FAM204A: variants seen among roughly 807,000 people sequenced by gnomAD.
FAM204A encodes the protein family with sequence similarity 204 member A, also known as protein FAM204A.
Under a neutral mutation model 35.4 loss-of-function variants are expected in FAM204A, and 16 were observed. The observed-to-expected ratio is 0.45, with a 90% CI of 0.31 to 0.69. The LOEUF (loss-of-function observed/expected upper bound fraction) is 0.69, where lower values mean the gene tolerates loss of function less well. FAM204A is among the 30% of genes least tolerant of loss of function. The pLI is 0.07. For synonymous variants in FAM204A, 76 were observed against 86.9 expected (o/e 0.88, Z 0.70); for missense variants, 240 against 265.7 (o/e 0.90, Z 0.67).
In FAM204A at chr10:118,325,934, T is replaced by C. The variant is rs116508579; in HGVS notation, c.543+220A>G. On this transcript the variant is annotated intron_variant, in intron 7 of 8. Transcript: ENST00000369183. Reference sequence around the variant, plus strand: ...AAGGTTCAGTATCAATCATGGATTATTTCTAGCAAGTTTTAGACCAGAATG... The same window carrying C: ...AAGGTTCAGTATCAATCATGGATTACTTCTAGCAAGTTTTAGACCAGAATG... Among the ~76,000 whole-genome samples the C allele has an allele frequency of 1.6e-3, 250 of 152,280 alleles. 1 individual carries two copies. The highest frequency in any genetic ancestry group is 5.8e-3 in the African/African-American group (240 of 41,546).
In FAM204A at chr10:118,341,823, A is replaced by G. The variant is rs1377531331; in HGVS notation, c.-105T>C. On this transcript the variant is annotated 5_prime_UTR_variant, in exon 2 of 9. Transcript: ENST00000369183. ...CTGCAGGCTTTCTGGCGGCAATGCC[A>G]CACTCCAATCCCAAAAGAGAGAGAA... The G allele has an allele frequency of 1.3e-5, 2 of 152,330 alleles. No homozygotes were observed. The highest frequency in any genetic ancestry group is 2.9e-5 in the Non-Finnish European group (2 of 68,176). 9.4% of individuals were successfully genotyped at this position (152,330 alleles called of 1,614,324 possible). A position where few individuals can be genotyped will look rare whatever the true frequency, so the allele number is the denominator to read the frequency against.
chr10:118,336,335 G>A lies in FAM204A; in HGVS notation c.81C>T (p.Asn27=), dbSNP rs775488376. Residue 27 remains asparagine, a synonymous_variant, in exon 3 of 9, where the codon AAC becomes AAT. Coordinates refer to ENST00000369183, the MANE Select transcript of FAM204A (RefSeq NM_022063.3). The part of the protein sequence containing the change: ...SNSEDEATLE[N]SGLNLQEDKE... ...TATCTTCCTGTAAGTTAAGTCCAGAGTTCTCCAACGTAGCTTCATCTTCCG... is the reference window on the plus strand; with the variant it reads ...TATCTTCCTGTAAGTTAAGTCCAGAATTCTCCAACGTAGCTTCATCTTCCG... 76 of 1,613,810 alleles carry A rather than the reference G, an allele frequency of 4.7e-5. No individual in the cohort carries two copies. Among genetic ancestry groups the A allele is most frequent in the Non-Finnish European group, 6.4e-5 (75 of 1,179,856 alleles).
Position 118,311,330 on chromosome 10 carries a change from A to AT in FAM204A, c.544-18_544-17insA. 1 of 1,360,140 alleles carries AT rather than the reference A, an allele frequency of 7.4e-7. No individual in the cohort carries two copies. The highest frequency in any genetic ancestry group is 9.9e-7 in the Non-Finnish European group (1 of 1,014,496). The allele number at this position is 1,360,140 out of a possible 1,614,324, so 84.3% of individuals were successfully genotyped here. A position where few individuals can be genotyped will look rare whatever the true frequency, so the allele number is the denominator to read the frequency against. On this transcript the variant is annotated splice_polypyrimidine_tract_variant and intron_variant, in intron 7 of 8. Transcript: ENST00000369183. ...TACACCAAGCTAAGAATTACAAAGG[A>AT]GAAAAAAAAAGTGAAAATAAATATT... is the stretch of plus-strand genomic sequence containing the variant.
chr10:118,305,338 G>A lies in FAM204A; in HGVS notation c.*5519C>T, dbSNP rs1359839287. 2 of 152,200 alleles carry A rather than the reference G, an allele frequency of 1.3e-5. No individual in the cohort carries two copies. The highest frequency in any genetic ancestry group is 1.3e-4 in the Admixed American group (2 of 15,282). The allele number at this position is 152,200 out of a possible 1,614,324, so 9.4% of individuals were successfully genotyped here. On this transcript the variant is annotated 3_prime_UTR_variant, in exon 9 of 9. Transcript: ENST00000369183. ...CCACCCAAGCTAAAATAAAGGACAC[G>A]TTAATGCAGTCTAAGAAAACTTTAA... is the stretch of plus-strand genomic sequence containing the variant.
intron 7 of FAM204A, 28 bp from the exon 8 acceptor site, chr10:118,311,341 G>A (rs750654008): frequency 1.8e-6 from 2 of 1,109,762 alleles, no homozygotes; most frequent in Admixed American, 2.3e-5. Context: ...GAAAAAAAAA[G>A]TGAAAATAAA....
intron 7 of FAM204A, 128 bp downstream of exon 7, chr10:118,326,026 A>G (rs1846192473): frequency 1.5e-6 from 1 of 667,448 alleles, no homozygotes; most frequent in Admixed American, 3.1e-5. Flanking sequence ...AAAAGAGAAG[A>G]AAATGGACAA....
In FAM204A at chr10:118,305,937, T is replaced by C. The variant is rs1845859958; in HGVS notation, c.*4920A>G. On this transcript the variant is annotated 3_prime_UTR_variant, in exon 9 of 9. Transcript: ENST00000369183. ...TGTGGGCAGTCATAATTGTATGCTA[T>C]CCATCAAACAATAAAACCTTTATAG... 6.6e-6 allele frequency: 1 copy of C among 152,232 alleles called. No homozygotes were observed. Among genetic ancestry groups the C allele is most frequent in the Non-Finnish European group, 1.5e-5 (1 of 68,040 alleles). The allele number at this position is 152,232 out of a possible 1,614,324, so 9.4% of individuals were successfully genotyped here. A position where few individuals can be genotyped will look rare whatever the true frequency, so the allele number is the denominator to read the frequency against.
rs567384497 is a variant in FAM204A at position 118,301,044 on chromosome 10, C to T, written c.*9813G>A. 6.6e-6 allele frequency: 1 copy of T among 152,322 alleles called. No homozygotes were observed. The highest frequency in any genetic ancestry group is 1.9e-4 in the East Asian group (1 of 5,184). 9.4% of individuals were successfully genotyped at this position (152,322 alleles called of 1,614,324 possible). On this transcript the variant is annotated 3_prime_UTR_variant, in exon 9 of 9. Coordinates refer to ENST00000369183, the MANE Select transcript of FAM204A (RefSeq NM_022063.3). ...CTGGTGAGCATCCACAGCCTACATTCAAACCCAAGTTTCATTCCAAAGCTT... is the reference window on the plus strand; with the variant it reads ...CTGGTGAGCATCCACAGCCTACATTTAAACCCAAGTTTCATTCCAAAGCTT...
intron 6 of FAM204A, among the ~76,000 whole-genome samples, chr10:118,326,625 T>C (rs989644608): frequency 1.3e-5 from 2 of 152,200 alleles, no homozygotes; most frequent in Non-Finnish European, 2.9e-5. Context: ...AACAACTCCA[T>C]GAATAATAAT....
At chr10:118,319,841 C>T (rs1846085015) in intron 7 of FAM204A, among the ~76,000 whole-genome samples, 1 of 151,902 alleles carries the variant, frequency 6.6e-6, no homozygotes, top group African/African-American at 2.4e-5. Context: ...TATAATGTTA[C>T]AACATGAAGT....
intron 6 of FAM204A, among the ~76,000 whole-genome samples, chr10:118,329,861 C>T (rs1846263138): frequency 6.6e-6 from 1 of 152,126 alleles, no homozygotes; most frequent in African/African-American, 2.4e-5. Context: ...AAACTGGGAA[C>T]ATTTATTACA....
chr10:118,312,525 T>C (rs1221231489), intron 7 of FAM204A, among the ~76,000 whole-genome samples: 1 of 152,156 alleles, frequency 6.6e-6, no homozygotes, highest in East Asian at 1.9e-4. Flanking sequence ...AATCGACAAG[T>C]AGTAATCAAG....
Position 118,307,193 on chromosome 10 carries a change from C to G in FAM204A, c.*3664G>C, listed in dbSNP as rs1242277567. On this transcript the variant is annotated 3_prime_UTR_variant, in exon 9 of 9. Coordinates refer to ENST00000369183, the MANE Select transcript of FAM204A (RefSeq NM_022063.3). ...TGGGTTTACACAGCCTTCAACTTTT[C>G]AAAGTATTTTTCGACCCGTCACCAT... 1 of 152,170 alleles carries G rather than the reference C, an allele frequency of 6.6e-6. No homozygotes were observed. Among genetic ancestry groups the G allele is most frequent in the African/African-American group, 2.4e-5 (1 of 41,428 alleles). The allele number at this position is 152,170 out of a possible 1,614,324, so 9.4% of individuals were successfully genotyped here.
chr10:118,321,765 G>A (rs1360631152), intron 7 of FAM204A, among the ~76,000 whole-genome samples: 1 of 137,472 alleles, frequency 7.3e-6, no homozygotes, highest in Non-Finnish European at 1.6e-5. Context: ...ATCCTCAAAG[G>A]AAACTCACAT....
chr10:118,315,718 A>G (rs1209696867), intron 7 of FAM204A, among the ~76,000 whole-genome samples: 1 of 152,152 alleles, frequency 6.6e-6, no homozygotes, highest in African/African-American at 2.4e-5. Flanking sequence ...GACGAAAGAG[A>G]TCAAAGAGAC....
At chr10:118,324,005 G>T (rs992868217) in intron 7 of FAM204A, among the ~76,000 whole-genome samples, 12 of 152,186 alleles carry the variant, frequency 7.9e-5, no homozygotes, top group South Asian at 2.1e-4. Context: ...TCATATAGAA[G>T]AAGCCACTGT....
At chr10:118,329,076 C>G (rs766319203) in intron 6 of FAM204A, among the ~76,000 whole-genome samples, 3 of 152,198 alleles carry the variant, frequency 2.0e-5, no homozygotes, top group Non-Finnish European at 4.4e-5. Context: ...ATGTCTGTAA[C>G]AAGCCCAACA....
intron 7 of FAM204A, among the ~76,000 whole-genome samples, chr10:118,314,212 A>T (rs565448337): frequency 6.6e-6 from 1 of 152,330 alleles, no homozygotes; most frequent in African/African-American, 2.4e-5. Context: ...CATAAGCAAC[A>T]CTTTCAAACA....
At chr10:118,311,340 A>AT in intron 7 of FAM204A, 27 bp from the exon 8 acceptor site, 1 of 1,546,036 alleles carries the variant, frequency 6.5e-7, no homozygotes, top group Non-Finnish European at 8.8e-7. Flanking sequence ...AGAAAAAAAA[A>AT]GTGAAAATAA....
Sources: gnomAD v4.1 joint callset for allele counts (sites outside exome capture counted in the v4.1 genomes callset) on GRCh38, gnomAD v4.1.1 for gene constraint, MANE v1.5 for transcripts, NCBI Gene and HGNC (gene_info 2026-07-23, HGNC 2026-07-21) for gene names.